CAMK2G: variants seen among roughly 807,000 people sequenced by gnomAD.
CAMK2G encodes calcium/calmodulin dependent protein kinase II gamma.
A neutral mutation model predicts 88.7 loss-of-function variants in CAMK2G; 23 were observed. The observed-to-expected ratio is 0.26, with a 90% CI of 0.19 to 0.37. CAMK2G has a LOEUF of 0.37. Among genes scored for constraint, CAMK2G ranks in the 10% least tolerant of loss-of-function variants. CAMK2G has a pLI of 1.00. For missense variants in CAMK2G, 476 were observed against 780.8 expected, an observed-to-expected ratio of 0.61 and a Z score of 4.65; for synonymous variants, 263 against 294.8, an observed-to-expected ratio of 0.89 and a Z score of 1.11.
chr10:73,817,180 T>C, intron 20 of CAMK2G, 63 bp from the exon 21 acceptor site: 1 of 1,545,460 alleles, frequency 6.5e-7, no homozygotes, highest in Non-Finnish European at 8.7e-7. Flanking sequence ...CTTCCTTCCT[T>C]ATCAGCGGTG....
intron 3 of CAMK2G, among the ~76,000 whole-genome samples, chr10:73,860,207 A>G (rs1446425343): frequency 3.9e-5 from 6 of 152,082 alleles, no homozygotes; most frequent in Admixed American, 3.9e-4. Context: ...AGGCAGGCAA[A>G]CCTCCTCAGG....
chr10:73,854,758 C>G (rs970171455), intron 3 of CAMK2G, among the ~76,000 whole-genome samples: 1 of 152,178 alleles, frequency 6.6e-6, no homozygotes, highest in Non-Finnish European at 1.5e-5. Flanking sequence ...ACCCAGCCGG[C>G]ACAGTCCCGA....
At chr10:73,851,535 G>C (rs2094613008) in intron 5 of CAMK2G, among the ~76,000 whole-genome samples, 2 of 152,178 alleles carry the variant, frequency 1.3e-5, no homozygotes, top group Non-Finnish European at 1.5e-5. Flanking sequence ...CCTCAGGACA[G>C]AAACCATGTC....
chr10:73,827,997 G>T, intron 15 of CAMK2G, 92 bp downstream of exon 15: 2 of 1,001,200 alleles, frequency 2.0e-6, no homozygotes, highest in Non-Finnish European at 3.2e-6. Context: ...GAGGATGAGT[G>T]AGGCACACGC....
At chr10:73,824,312 T>G (rs1044226150) in intron 16 of CAMK2G, among the ~76,000 whole-genome samples, 6 of 152,170 alleles carry the variant, frequency 3.9e-5, no homozygotes, top group African/African-American at 1.4e-4. Flanking sequence ...AAGAGAGGCC[T>G]GGCAGGTGCA....
intron 16 of CAMK2G, among the ~76,000 whole-genome samples, chr10:73,824,581 C>T (rs958189959): frequency 1.3e-5 from 2 of 152,204 alleles, no homozygotes; most frequent in African/African-American, 2.4e-5. Context: ...CCACTGCGCC[C>T]GCCTTCTGCC....
At chr10:73,873,202 T>C (rs77833482) in intron 1 of CAMK2G, 119 bp from the exon 2 acceptor site, 3 of 962,686 alleles carry the variant, frequency 3.1e-6, no homozygotes, top group Non-Finnish European at 3.3e-6. Context: ...CTCACGTACA[T>C]GCACACACAC....
At chr10:73,834,942 C>T (rs2093014918) in intron 14 of CAMK2G, among the ~76,000 whole-genome samples, 1 of 152,198 alleles carries the variant, frequency 6.6e-6, no homozygotes, top group South Asian at 2.1e-4. Flanking sequence ...TTGCTCTTCC[C>T]TTCAGCCATA....
At chr10:73,834,693 TCA>T (rs1431507072) in intron 14 of CAMK2G, among the ~76,000 whole-genome samples, 2 of 152,206 alleles carry the variant, frequency 1.3e-5, no homozygotes, top group African/African-American at 4.8e-5. Flanking sequence ...TTTTTAAAAT[TCA>T]CAGATTCTGC....
chr10:73,874,295 G>T, intron 1 of CAMK2G, 102 bp downstream of exon 1: 1 of 714,616 alleles, frequency 1.4e-6, no homozygotes, highest in Non-Finnish European at 1.9e-6. Context: ...GGGCGGCCGA[G>T]GGGGAGCCGC....
chr10:73,819,694 C>T, intron 18 of CAMK2G, 49 bp from the exon 19 acceptor site: 1 of 1,201,022 alleles, frequency 8.3e-7, no homozygotes, highest in South Asian at 1.4e-5. Context: ...GCAGCCAAAA[C>T]AAACAGAACA....
In CAMK2G at chr10:73,814,261, C is replaced by CA. The variant is rs888124528; in HGVS notation, c.*256_*257insT. On this transcript the variant is annotated 3_prime_UTR_variant, in exon 23 of 23. Transcript: ENST00000423381. ...TTAAAACGCATCATGGTATGGATTC[C>CA]TTTTTTTTTTAAACAATCTTTTTTT... The CA allele has an allele frequency of 5.0e-5, 6 of 121,068 alleles. No individual in the cohort carries two copies. The highest frequency in any genetic ancestry group is 1.0e-4 in the Non-Finnish European group (6 of 59,132). The allele number at this position is 121,068 out of a possible 1,614,324, so 7.5% of individuals were successfully genotyped here. A position where few individuals can be genotyped will look rare whatever the true frequency, so the allele number is the denominator to read the frequency against.
intron 19 of CAMK2G, chr10:73,818,540 C>T (rs572191367): frequency 1.0e-5 from 4 of 382,492 alleles, no homozygotes; most frequent in African/African-American, 2.1e-5. Context: ...CAACTGCAAG[C>T]GTTAGAACAG....
At chr10:73,820,490 ATATTTT>A (rs538329214) in intron 18 of CAMK2G, among the ~76,000 whole-genome samples, 821 of 53,046 alleles carry the variant, frequency 0.015, 2 homozygotes, top group South Asian at 0.023. Flanking sequence ...ATATATATAT[ATATTTT>A]TTTTTTTTTT....
intron 14 of CAMK2G, among the ~76,000 whole-genome samples, chr10:73,830,492 T>C (rs2092263433): frequency 6.6e-6 from 1 of 152,258 alleles, no homozygotes. Flanking sequence ...AAACTGTATA[T>C]TTATTTTAAA....
chr10:73,861,014 A>G (rs1201434052), intron 2 of CAMK2G, 125 bp from the exon 3 acceptor site: 3 of 719,272 alleles, frequency 4.2e-6, no homozygotes, highest in Non-Finnish European at 7.6e-6. Context: ...GAAGTAATGC[A>G]GCAAGTCATG....
chr10:73,815,287 T>C (rs2085015065), intron 21 of CAMK2G, 40 bp from the exon 22 acceptor site: 1 of 1,332,640 alleles, frequency 7.5e-7, no homozygotes, highest in South Asian at 1.2e-5. Context: ...ACATCAGGCC[T>C]GGGCACCTGC....
intron 2 of CAMK2G, among the ~76,000 whole-genome samples, chr10:73,863,564 A>C (rs1397104261): frequency 2.6e-5 from 4 of 152,136 alleles, no homozygotes; most frequent in Admixed American, 2.6e-4. Flanking sequence ...CATAACTCTC[A>C]GGCTTGGTTG....
At chr10:73,835,291 G>A (rs925858238) in intron 14 of CAMK2G, among the ~76,000 whole-genome samples, 2 of 151,552 alleles carry the variant, frequency 1.3e-5, no homozygotes, top group East Asian at 1.9e-4. Flanking sequence ...TAGGGGCACA[G>A]CAGGTATCTT....
Sources: allele counts gnomAD v4.1 joint callset (sites outside exome capture counted in the v4.1 genomes callset), GRCh38; gene constraint gnomAD v4.1.1; transcripts MANE v1.5; gene names NCBI Gene and HGNC (gene_info 2026-07-23, HGNC 2026-07-21).